Variants in TSPAN11 observed in about 807,000 individuals in gnomAD.
TSPAN11 encodes tetraspanin 11.
Under a neutral mutation model 32.9 loss-of-function variants are expected in TSPAN11, and 29 were observed. That is an observed-to-expected ratio of 0.88 (90% CI 0.66 to 1.20). The LOEUF is 1.20. TSPAN11 is among the 50% of genes most tolerant of loss of function. The pLI is 0.00. For missense variants in TSPAN11, 283 were observed against 329.1 expected (o/e 0.86, Z 1.08); for synonymous variants, 140 against 141.3 (o/e 0.99, Z 0.07).
Position 30,979,668 on chromosome 12 carries a change from G to A in TSPAN11, c.454G>A (p.Asp152Asn). ...ITASVDRLQQDFKCCGSNSSA... is the reference protein window; with the variant it reads ...ITASVDRLQQNFKCCGSNSSA... ...CGCCTCAGTGGACCGACTCCAGCAG[G>A]ATGTAAGCCATGCCCCATATGGCCT... Residue 152 changes from aspartate (D) to asparagine (N), a missense_variant and splice_region_variant, in exon 5 of 8, where the codon GAT becomes AAT. Transcript: ENST00000546076. The A allele has an allele frequency of 6.2e-7, 1 of 1,614,136 alleles. No homozygotes were observed. Among genetic ancestry groups the A allele is most frequent in the Non-Finnish European group, 8.5e-7 (1 of 1,180,016 alleles).
At chr12:30,978,403 G>T in intron 3 of TSPAN11, 158 bp from the exon 4 acceptor site, 1 of 687,566 alleles carries the variant, frequency 1.5e-6, no homozygotes, top group East Asian at 2.6e-5. Context: ...TGGGGAACTT[G>T]GTGCCAGCAG....
chr12:30,967,621 C>T (rs1938759563), intron 3 of TSPAN11, among the ~76,000 whole-genome samples: 2 of 140,958 alleles, frequency 1.4e-5, no homozygotes, highest in African/African-American at 2.6e-5. Flanking sequence ...ATCAAGGAGG[C>T]AACAGCTTGA....
chr12:30,949,571 T>C (rs1592469139), intron 1 of TSPAN11, among the ~76,000 whole-genome samples: 1 of 152,184 alleles, frequency 6.6e-6, no homozygotes, highest in Admixed American at 6.5e-5. Context: ...TGTGAAAGAC[T>C]GGCCCCCATG....
chr12:30,979,208 C>T (rs2140303506), intron 4 of TSPAN11, among the ~76,000 whole-genome samples: 1 of 152,338 alleles, frequency 6.6e-6, no homozygotes, highest in Non-Finnish European at 1.5e-5. Context: ...AATATCACCT[C>T]ATGATCACAG....
At chr12:31,014,488 C>T in the TSPAN11 span, among the ~76,000 whole-genome samples, 1 of 152,002 alleles carries the variant, frequency 6.6e-6, no homozygotes, top group Non-Finnish European at 1.5e-5. Context: ...CATTGAAACC[C>T]TAGTTGAGAT....
intron 1 of TSPAN11, among the ~76,000 whole-genome samples, chr12:30,930,176 G>T (rs759694000): frequency 6.6e-5 from 10 of 152,158 alleles, no homozygotes; most frequent in Non-Finnish European, 1.3e-4. Context: ...CACTCCACAG[G>T]GTAGAGGGAG....
intron 1 of TSPAN11, among the ~76,000 whole-genome samples, chr12:30,944,285 A>G (rs1042089219): frequency 2.0e-5 from 3 of 152,190 alleles, no homozygotes; most frequent in Admixed American, 2.0e-4. Context: ...GGAATACAAT[A>G]TATTATTAAC....
rs1297237174 is a variant in TSPAN11 at position 30,975,582 on chromosome 12, C to A, written c.277-2979C>A. ...TCTGAACCAGCCTGTGCAGGGGTAG[C>A]ATGTACTAATTTAGCCAGCCACTAA... On this transcript the variant is annotated intron_variant, in intron 3 of 7. Coordinates refer to ENST00000546076, the MANE Select transcript of TSPAN11 (RefSeq NM_001370302.1). The surrounding 1 kb of genome is among the most constrained non-coding windows in gnomAD (Gnocchi z 4.5). Among the ~76,000 whole-genome samples, 1 of 152,126 alleles carries A rather than the reference C, an allele frequency of 6.6e-6. No homozygotes were observed. Among genetic ancestry groups the A allele is most frequent in the Non-Finnish European group, 1.5e-5 (1 of 68,008 alleles).
intron 2 of TSPAN11, among the ~76,000 whole-genome samples, chr12:30,961,769 T>A (rs1305025953): frequency 6.6e-6 from 1 of 151,850 alleles, no homozygotes; most frequent in Admixed American, 6.6e-5. Flanking sequence ...TCCGGAGAGG[T>A]TAAGGGACTA....
chr12:30,998,647 G>T (rs951383998), downstream of TSPAN11, among the ~76,000 whole-genome samples: 4 of 152,192 alleles, frequency 2.6e-5, no homozygotes, highest in African/African-American at 9.6e-5. Flanking sequence ...AGTGAAGTGG[G>T]AATCCAGCCC....
chr12:30,962,874 A>G (rs973236189), intron 2 of TSPAN11, among the ~76,000 whole-genome samples: 2 of 151,798 alleles, frequency 1.3e-5, no homozygotes, highest in Non-Finnish European at 2.9e-5. Flanking sequence ...ACACCCACAT[A>G]CTCCCCATCT....
intron 1 of TSPAN11, among the ~76,000 whole-genome samples, chr12:30,948,103 C>T (rs1938306245): frequency 6.6e-6 from 1 of 152,192 alleles, no homozygotes; most frequent in East Asian, 1.9e-4. Flanking sequence ...CTCCAGCTCT[C>T]ACATCCAGGT....
chr12:30,964,925 T>A (rs1168699073), intron 3 of TSPAN11, among the ~76,000 whole-genome samples: 2 of 152,194 alleles, frequency 1.3e-5, no homozygotes, highest in African/African-American at 4.8e-5. Context: ...TTTTGAGCTC[T>A]TTTTCAGCAG....
At chr12:30,939,666 G>A (rs545786473) in intron 1 of TSPAN11, among the ~76,000 whole-genome samples, 2 of 152,238 alleles carry the variant, frequency 1.3e-5, no homozygotes, top group South Asian at 2.1e-4. Flanking sequence ...GGGCTTTCCC[G>A]GGCTCTGCTG....
intron 1 of TSPAN11, among the ~76,000 whole-genome samples, chr12:30,941,901 T>C (rs976700763): frequency 6.6e-6 from 1 of 152,278 alleles, no homozygotes; most frequent in Non-Finnish European, 1.5e-5. Context: ...CTTATCACTG[T>C]AGCCATTGCC....
chr12:30,954,091 A>G lies in TSPAN11; in HGVS notation c.84+16A>G, dbSNP rs1027794397. On this transcript the variant is annotated intron_variant, in intron 2 of 7. Transcript: ENST00000546076. Reference sequence around the variant, plus strand: ...CTTCTTCTGGGTGAGTGAATTCTGCACACACATCCTCTTCCCCGAGCACTG... The same window carrying G: ...CTTCTTCTGGGTGAGTGAATTCTGCGCACACATCCTCTTCCCCGAGCACTG... 60 of 1,584,914 alleles carry G rather than the reference A, an allele frequency of 3.8e-5. No homozygotes were observed. The highest frequency in any genetic ancestry group is 5.0e-5 in the Non-Finnish European group (58 of 1,154,290).
downstream of TSPAN11, among the ~76,000 whole-genome samples, chr12:31,001,119 C>T (rs151048725): frequency 7.1e-3 from 1,081 of 152,326 alleles, 12 homozygotes; most frequent in African/African-American, 0.025. Context: ...CAGATCTGAG[C>T]CCATCACATT....
At chr12:30,982,851 A>G (rs1939122052) in intron 6 of TSPAN11, among the ~76,000 whole-genome samples, 161 bp downstream of exon 6, 2 of 152,204 alleles carry the variant, frequency 1.3e-5, no homozygotes, top group South Asian at 4.1e-4. Flanking sequence ...GAGTCTCTAC[A>G]AAGCCCTGGG....
At chr12:30,965,463 C>CGCCTTCCTCTGACCCAGA (rs374397136) in intron 3 of TSPAN11, among the ~76,000 whole-genome samples, 2,695 of 152,162 alleles carry the variant, frequency 0.018, 83 homozygotes, top group African/African-American at 0.061. Context: ...CCCCACCGAG[C>CGCCTTCCTCTGACCCAGA]GCCTTCCTCT....
Sources: allele counts gnomAD v4.1 joint callset (sites outside exome capture counted in the v4.1 genomes callset), GRCh38; gene constraint gnomAD v4.1.1; non-coding constraint Gnocchi (gnomAD v3.1); transcripts MANE v1.5; gene names NCBI Gene and HGNC (gene_info 2026-07-23, HGNC 2026-07-21).